The following RPTOR variants were observed in gnomAD, a reference collection of about 807,000 sequenced individuals.
The protein encoded by RPTOR is regulatory associated protein of MTOR complex 1, also known as regulatory-associated protein of mTOR.
In RPTOR, 21 loss-of-function variants were observed where a neutral mutation model predicts 169.9. That is an observed-to-expected ratio of 0.12 (90% confidence interval 0.09 to 0.18). RPTOR has a LOEUF of 0.18. Among genes scored for constraint, RPTOR ranks in the 10% least tolerant of loss-of-function variants. RPTOR has a pLI of 1.00. For missense variants in RPTOR, 1,133 were observed against 1,855.9 expected, an observed-to-expected ratio of 0.61 and a Z score of 7.16; for synonymous variants, 732 against 753.2, an observed-to-expected ratio of 0.97 and a Z score of 0.46.
At chr17:80,560,705 C>T (rs1333093184) in intron 1 of RPTOR, among the ~76,000 whole-genome samples, 1 of 152,202 alleles carries the variant, frequency 6.6e-6, no homozygotes, top group Non-Finnish European at 1.5e-5. Context: ...GTGGGAGCCG[C>T]CTCATGCCCA....
chr17:80,807,647 C>G (rs541748634), intron 7 of RPTOR, among the ~76,000 whole-genome samples: 1 of 152,102 alleles, frequency 6.6e-6, no homozygotes, highest in African/African-American at 2.4e-5. Context: ...CCACTGTGCC[C>G]GGCCAAGCCC....
intron 3 of RPTOR, among the ~76,000 whole-genome samples, chr17:80,690,862 A>G (rs1598225664): frequency 6.6e-6 from 1 of 152,100 alleles, no homozygotes; most frequent in East Asian, 1.9e-4. Flanking sequence ...TGGCGCAAAC[A>G]TGGCTCACTG....
intron 3 of RPTOR, among the ~76,000 whole-genome samples, chr17:80,665,832 C>T (rs186753497): frequency 1.6e-4 from 25 of 152,238 alleles, no homozygotes; most frequent in Middle Eastern, 3.4e-3. Context: ...CGTGAGCCAC[C>T]GCGCCCGGCC....
At chr17:80,865,170 TA>T (rs2067972646) in intron 13 of RPTOR, among the ~76,000 whole-genome samples, 1 of 152,196 alleles carries the variant, frequency 6.6e-6, no homozygotes, top group African/African-American at 2.4e-5. Flanking sequence ...ACTCAAATTT[TA>T]AAAAGAATTA....
At chr17:80,559,207 T>G (rs529457954) in intron 1 of RPTOR, among the ~76,000 whole-genome samples, 45 of 152,192 alleles carry the variant, frequency 3.0e-4, no homozygotes, top group Non-Finnish European at 5.7e-4. Context: ...TTCCTCATAT[T>G]CACACTGAGA....
chr17:80,640,648 A>G (rs371969612), intron 2 of RPTOR, among the ~76,000 whole-genome samples: 1 of 152,206 alleles, frequency 6.6e-6, no homozygotes, highest in African/African-American at 2.4e-5. Context: ...TGTCTCTACT[A>G]ACGAGGGCCG....
chr17:80,940,754 G>T (rs1033738712), intron 25 of RPTOR, among the ~76,000 whole-genome samples, 153 bp downstream of exon 25: 2 of 152,180 alleles, frequency 1.3e-5, no homozygotes, highest in African/African-American at 4.8e-5. Context: ...CACCTCCCTT[G>T]CAGATAAGCA....
chr17:80,566,716 T>C (rs1475981135), intron 1 of RPTOR, among the ~76,000 whole-genome samples: 3 of 147,110 alleles, frequency 2.0e-5, no homozygotes, highest in Non-Finnish European at 4.4e-5. Context: ...CCCAGCTACT[T>C]GGGAGGCTGA....
intron 1 of RPTOR, among the ~76,000 whole-genome samples, chr17:80,613,644 G>GT (rs2065287424): frequency 6.7e-6 from 1 of 149,942 alleles, no homozygotes; most frequent in Non-Finnish European, 1.5e-5. Flanking sequence ...GAATGAAGTG[G>GT]TGTTGGACTC....
intron 24 of RPTOR, among the ~76,000 whole-genome samples, chr17:80,927,530 T>C (rs2068824625): frequency 6.6e-6 from 1 of 152,164 alleles, no homozygotes; most frequent in Admixed American, 6.6e-5. Context: ...TTTGCTTTCC[T>C]TTCCTAAGCA....
chr17:80,713,297 C>T (rs111531289), intron 4 of RPTOR, among the ~76,000 whole-genome samples: 8,066 of 152,258 alleles, frequency 0.053, 272 homozygotes, highest in Non-Finnish European at 0.078. Context: ...CCACCTGCCT[C>T]GGCCTCCCAA....
rs2084517175 is a variant in RPTOR, at chr17:80,562,797, AAAAC to A, written c.162+17010_162+17013del. On this transcript the variant is annotated intron_variant, in intron 1 of 33. Coordinates refer to ENST00000306801, the MANE Select transcript of RPTOR (RefSeq NM_020761.3). The surrounding 1 kb of genome is among the most constrained non-coding windows in gnomAD (Gnocchi z 4.4). ...GACTCTTGTCTCAAAACAAAAAACA[AAAAC>A]AAAGTAGATCGGACAAGCAGTTTAA... Among the ~76,000 whole-genome samples the A allele has an allele frequency of 6.6e-6, 1 of 152,250 alleles. No individual in the cohort carries two copies. The highest frequency in any genetic ancestry group is 2.4e-5 in the African/African-American group (1 of 41,474).
At chr17:80,636,356 T>C in intron 2 of RPTOR, among the ~76,000 whole-genome samples, 1 of 152,194 alleles carries the variant, frequency 6.6e-6, no homozygotes. Context: ...TCTTAGTCTG[T>C]TGTTGCTGCT....
At chr17:80,742,734 A>T (rs546325380) in intron 5 of RPTOR, among the ~76,000 whole-genome samples, 39 of 152,186 alleles carry the variant, frequency 2.6e-4, no homozygotes, top group Admixed American at 2.2e-3. Context: ...ATACACATGC[A>T]TGTGCGCACA....
intron 5 of RPTOR, among the ~76,000 whole-genome samples, chr17:80,741,388 G>T (rs1173527990): frequency 6.6e-6 from 1 of 152,170 alleles, no homozygotes; most frequent in Admixed American, 6.5e-5. Flanking sequence ...GTAGATGTTG[G>T]CAAGGCAATT....
At chr17:80,618,794 GTC>G in intron 1 of RPTOR, among the ~76,000 whole-genome samples, 1 of 152,322 alleles carries the variant, frequency 6.6e-6, no homozygotes, top group South Asian at 2.1e-4. Flanking sequence ...AAAATAGAGA[GTC>G]TCCCAAGCTA....
At chr17:80,643,682 G>T (rs1183765334) in intron 2 of RPTOR, 46 bp from the exon 3 acceptor site, 3 of 1,447,030 alleles carry the variant, frequency 2.1e-6, no homozygotes, top group Non-Finnish European at 2.9e-6. Flanking sequence ...TAGCAGAGGA[G>T]GAAATGCAGA....
chr17:80,692,022 A>C (rs1205783815), intron 3 of RPTOR, among the ~76,000 whole-genome samples: 1 of 152,248 alleles, frequency 6.6e-6, no homozygotes, highest in African/African-American at 2.4e-5. Flanking sequence ...TGACGCGGTT[A>C]CTGAGAGCCG....
At chr17:80,666,889 C>T (rs979098723) in intron 3 of RPTOR, among the ~76,000 whole-genome samples, 6 of 152,148 alleles carry the variant, frequency 3.9e-5, no homozygotes, top group Non-Finnish European at 7.3e-5. Context: ...AATTACTGCC[C>T]GTGTCCTCTG....
Sources: allele counts gnomAD v4.1 joint callset (sites outside exome capture counted in the v4.1 genomes callset), GRCh38; gene constraint gnomAD v4.1.1; non-coding constraint Gnocchi (gnomAD v3.1); transcripts MANE v1.5; gene names NCBI Gene and HGNC (gene_info 2026-07-23, HGNC 2026-07-21).